The following MGAT5 variants were observed in gnomAD, a reference collection of about 807,000 sequenced individuals.
The protein encoded by MGAT5 is alpha-1,6-mannosylglycoprotein 6-beta-N-acetylglucosaminyltransferase.
Under a neutral mutation model 94.3 loss-of-function variants are expected in MGAT5, and 30 were observed. The observed-to-expected ratio is 0.32, with a 90% CI of 0.24 to 0.43. The LOEUF is 0.43. MGAT5 is among the 20% of genes least tolerant of loss of function. The probability of loss-of-function intolerance (pLI) is 1.00; values close to 1 mark genes in which losing one functional copy is unlikely to be tolerated. For missense variants in MGAT5, 691 were observed against 905.5 expected (o/e 0.76, Z 3.04); for synonymous variants, 310 against 322.9 (o/e 0.96, Z 0.43).
rs188232707 is a variant in MGAT5 at position 134,187,010 on chromosome 2, G to A, written c.-143+66719G>A. On this transcript the variant is annotated intron_variant, in intron 1 of 16. Transcript: ENST00000409645. ...GCAGAGTGCCAAGGCAGTATCCAAG[G>A]TGAAGAAAGTTCCGTGAGGAAGAGA... Among the ~76,000 whole-genome samples the A allele has an allele frequency of 2.0e-3, 311 of 152,324 alleles. 2 individuals are homozygous for A. Among genetic ancestry groups the A allele is most frequent in the Non-Finnish European group, 3.6e-3 (248 of 68,026 alleles).
intron 10 of MGAT5, among the ~76,000 whole-genome samples, chr2:134,387,321 TATATATA>T (rs1558847452): frequency 9.5e-5 from 5 of 52,652 alleles, no homozygotes; most frequent in African/African-American, 3.3e-4. Flanking sequence ...TATATATATA[TATATATA>T]TATATTTTTT....
intron 2 of MGAT5, among the ~76,000 whole-genome samples, chr2:134,278,039 T>C (rs766272160): frequency 6.6e-6 from 1 of 152,240 alleles, no homozygotes; most frequent in African/African-American, 2.4e-5. Context: ...TGGGATGCTG[T>C]TGAGAGGTTC....
At chr2:134,422,977 A>T in intron 13 of MGAT5, 58 bp downstream of exon 13, 1 of 1,260,000 alleles carries the variant, frequency 7.9e-7, no homozygotes, top group Non-Finnish European at 1.2e-6. Flanking sequence ...ATGTGTATAA[A>T]ACACATCATA....
At chr2:134,437,732 G>A (rs1685240504) in intron 14 of MGAT5, among the ~76,000 whole-genome samples, 1 of 152,182 alleles carries the variant, frequency 6.6e-6, no homozygotes, top group African/African-American at 2.4e-5. Context: ...TACAGGTTGA[G>A]CGGGCTGACA....
At chr2:134,279,691 C>T (rs1684580773) in intron 2 of MGAT5, among the ~76,000 whole-genome samples, 1 of 152,182 alleles carries the variant, frequency 6.6e-6, no homozygotes, top group Non-Finnish European at 1.5e-5. Flanking sequence ...GGTGATAGGA[C>T]ATGCTGAAAT....
intron 2 of MGAT5, among the ~76,000 whole-genome samples, chr2:134,298,011 C>G (rs920227979): frequency 6.6e-6 from 1 of 151,688 alleles, no homozygotes; most frequent in Non-Finnish European, 1.5e-5. Context: ...GGTTCTAAAA[C>G]CAGTTATTTT....
intron 10 of MGAT5, among the ~76,000 whole-genome samples, chr2:134,371,960 A>C (rs1680834571): frequency 6.6e-6 from 1 of 151,788 alleles, no homozygotes; most frequent in Non-Finnish European, 1.5e-5. Context: ...AAAAAAAAAA[A>C]ACCTTGCCTG....
chr2:134,176,731 A>G, intron 1 of MGAT5, among the ~76,000 whole-genome samples: 1 of 152,230 alleles, frequency 6.6e-6, no homozygotes, highest in Non-Finnish European at 1.5e-5. Context: ...AGTTTCTAGA[A>G]CACTTACACT....
At chr2:134,129,665 T>C (rs549607515) in intron 1 of MGAT5, among the ~76,000 whole-genome samples, 51 of 149,548 alleles carry the variant, frequency 3.4e-4, no homozygotes, top group Non-Finnish European at 6.3e-4. Flanking sequence ...AGGCCAGATG[T>C]TGAGCTGAGT....
intron 1 of MGAT5, among the ~76,000 whole-genome samples, chr2:134,176,637 A>T (rs545178970): frequency 3.4e-4 from 52 of 152,156 alleles, no homozygotes; most frequent in Non-Finnish European, 6.2e-4. Flanking sequence ...CGACTAGAAA[A>T]ATGACATTTA....
At chr2:134,261,196 C>A (rs190316165) in intron 1 of MGAT5, among the ~76,000 whole-genome samples, 14 of 152,282 alleles carry the variant, frequency 9.2e-5, no homozygotes, top group Non-Finnish European at 1.0e-4. Flanking sequence ...GGATTGCACG[C>A]ACATGTGTGA....
intron 12 of MGAT5, among the ~76,000 whole-genome samples, chr2:134,420,209 T>C (rs1192100960): frequency 6.6e-6 from 1 of 152,160 alleles, no homozygotes; most frequent in African/African-American, 2.4e-5. Context: ...GAATCGTCAT[T>C]GATGCATAAT....
At chr2:134,139,091 G>A (rs966461115) in intron 1 of MGAT5, among the ~76,000 whole-genome samples, 3 of 152,214 alleles carry the variant, frequency 2.0e-5, no homozygotes, top group African/African-American at 7.2e-5. Context: ...AAGGCTAGGC[G>A]AAAGGTTTTT....
Position 134,412,856 on chromosome 2 carries a change from T to G in MGAT5, c.1531-13T>G. On this transcript the variant is annotated splice_polypyrimidine_tract_variant and intron_variant, in intron 11 of 15. Coordinates refer to ENST00000281923, the MANE Select transcript of MGAT5 (RefSeq NM_002410.5). ...TGATGTGTTCATACGCTGTGTGGTT[T>G]TCTGTCTTACAGTTGTTTGTTGGAC... 6.2e-7 allele frequency: 1 copy of G among 1,613,994 alleles called. No individual in the cohort carries two copies. The highest frequency in any genetic ancestry group is 8.5e-7 in the Non-Finnish European group (1 of 1,179,924).
intron 1 of MGAT5, among the ~76,000 whole-genome samples, chr2:134,128,930 T>G (rs1488106826): frequency 6.6e-6 from 1 of 152,220 alleles, no homozygotes; most frequent in African/African-American, 2.4e-5. Flanking sequence ...TCTTTAAGTT[T>G]CCGAGTTTCT....
In MGAT5 at chr2:134,165,801, C is replaced by A. The variant is rs1488175619; in HGVS notation, c.-143+45510C>A. ...AAAAAAAAAAATTCTAGGGAGCCAG[C>A]AATGTTCTGTAACTCATGTTCTAGG... On this transcript the variant is annotated intron_variant, in intron 1 of 16. Coordinates refer to the MGAT5 transcript ENST00000409645. Among the ~76,000 whole-genome samples the A allele has an allele frequency of 2.6e-5, 4 of 151,912 alleles. No individual in the cohort carries two copies. The South Asian group carries it at 6.2e-4, about 24-fold the overall frequency.
In MGAT5 at chr2:134,254,572, T is replaced by C. The variant is rs766496355; in HGVS notation, c.169T>C (p.Tyr57His). The C allele has an allele frequency of 1.8e-5, 29 of 1,614,158 alleles. No homozygotes were observed. Among genetic ancestry groups the C allele is most frequent in the Non-Finnish European group, 2.3e-5 (27 of 1,180,028 alleles). Residue 57 changes from tyrosine to histidine, a missense_variant, in exon 1 of 16, where the codon TAC becomes CAC. This residue lies in a region of MGAT5 where 307 missense variants were observed against 335.4 expected (regional missense o/e 0.92). Coordinates refer to ENST00000281923, the MANE Select transcript of MGAT5 (RefSeq NM_002410.5). Reference sequence around the variant, plus strand: ...GCAGATCCTGGACCTCAGCAAAAGGTACATCAAGGCACTGGCAGAAGAAAA... The same window carrying C: ...GCAGATCCTGGACCTCAGCAAAAGGCACATCAAGGCACTGGCAGAAGAAAA... ...REQILDLSKRYIKALAEENRN... is the reference protein window; with the variant it reads ...REQILDLSKRHIKALAEENRN...
intron 2 of MGAT5, among the ~76,000 whole-genome samples, chr2:134,301,424 G>A (rs1316574775): frequency 6.6e-6 from 1 of 151,944 alleles, no homozygotes; most frequent in African/African-American, 2.4e-5. Flanking sequence ...ACATCTATAG[G>A]AATTATAGTG....
chr2:134,131,564 G>A (rs1686166723), intron 1 of MGAT5, among the ~76,000 whole-genome samples: 1 of 146,308 alleles, frequency 6.8e-6, no homozygotes, highest in Admixed American at 7.0e-5. Context: ...TTTGCCTGTG[G>A]TAGATTGATT....
Sources: gnomAD v4.1 joint callset for allele counts (sites outside exome capture counted in the v4.1 genomes callset) on GRCh38, gnomAD v4.1.1 for gene constraint, gnomAD v4.1.1 regional missense constraint, MANE v1.5 for transcripts, NCBI Gene and HGNC (gene_info 2026-07-23, HGNC 2026-07-21) for gene names.